ATP7B: variants seen among roughly 807,000 people sequenced by gnomAD.
ATP7B encodes ATPase copper transporting beta.
A neutral mutation model predicts 118.9 loss-of-function variants in ATP7B; 113 were observed. That is an observed-to-expected ratio of 0.95 (90% confidence interval 0.82 to 1.11). ATP7B has a LOEUF of 1.11. ATP7B is among the 50% of genes most tolerant of loss of function. The probability of loss-of-function intolerance (pLI) is 0.00; values close to 1 mark genes in which losing one functional copy is unlikely to be tolerated. For missense variants in ATP7B, 1,867 were observed against 1,871.4 expected, an observed-to-expected ratio of 1.00 and a Z score of 0.04; for synonymous variants, 777 against 727.4, an observed-to-expected ratio of 1.07 and a Z score of -1.10.
At chr13:51,949,627 C>G (rs374177273) in intron 12 of ATP7B, 35 bp downstream of exon 12, 1 of 1,610,676 alleles carries the variant, frequency 6.2e-7, no homozygotes, top group African/African-American at 1.3e-5. Context: ...TTATTTAAAA[C>G]ACAACCACCA....
chr13:52,011,820 G>C (rs957134915), upstream of ATP7B, among the ~76,000 whole-genome samples: 1 of 152,272 alleles, frequency 6.6e-6, no homozygotes, highest in Non-Finnish European at 1.5e-5. Flanking sequence ...TCACGCGTGT[G>C]CGGGAGCGGG....
In ATP7B at chr13:51,939,186, G is replaced by C; in HGVS notation, c.3564C>G (p.Leu1188=). ...TAILVAIDGV[L]CGMIAIADAV... Reference sequence around the variant, plus strand: ...CGTCTGCGATTGCGATCATCCCACAGAGCACACCTGGAGCGAACCAGCCAG... The same window carrying C: ...CGTCTGCGATTGCGATCATCCCACACAGCACACCTGGAGCGAACCAGCCAG... The change falls in exon 17 of 21, where the codon CTC becomes CTG. Residue 1188 remains leucine, a synonymous_variant. Coordinates refer to ENST00000242839, the MANE Select transcript of ATP7B (RefSeq NM_000053.4). The C allele has an allele frequency of 1.2e-6, 2 of 1,613,400 alleles. No homozygotes were observed. Among genetic ancestry groups the C allele is most frequent in the Non-Finnish European group, 1.7e-6 (2 of 1,180,032 alleles).
intron 4 of ATP7B, 115 bp downstream of exon 4, chr13:51,968,329 C>T: frequency 6.7e-7 from 1 of 1,489,898 alleles, no homozygotes; most frequent in Non-Finnish European, 9.2e-7. Flanking sequence ...AAATACCCAA[C>T]AACAACAAAC....
intron 8 of ATP7B, 47 bp from the exon 9 acceptor site, chr13:51,957,654 T>C: frequency 6.4e-7 from 1 of 1,566,176 alleles, no homozygotes; most frequent in African/African-American, 1.4e-5. Flanking sequence ...AAAGCAGACC[T>C]GTCCAAACCC....
At position 51,935,636 on chromosome 13, in the gene ATP7B, C is replaced by T. The variant is rs1956913794; in HGVS notation, c.4081G>A (p.Ala1361Thr). The T allele has an allele frequency of 6.2e-7, 1 of 1,613,860 alleles. No individual in the cohort carries two copies. The highest frequency in any genetic ancestry group is 8.5e-7 in the Non-Finnish European group (1 of 1,179,968). The change falls in exon 20 of 21, where the codon GCC (alanine) becomes ACC (threonine). Residue 1361 changes from alanine to threonine, a missense_variant. Transcript: ENST00000242839. ...GAGAGCACCACAGACACAGAGGAGGCTGCCATGGCCGCTGAGCCCATCCAG... is the reference window on the plus strand; with the variant it reads ...GAGAGCACCACAGACACAGAGGAGGTTGCCATGGCCGCTGAGCCCATCCAG... The part of the protein sequence containing the change: ...QPWMGSAAMA[A>T]SSVSVVLSSL...
Position 51,941,145 on chromosome 13 carries a change from A to G in ATP7B, c.3492T>C (p.Asp1164=), listed in dbSNP as rs2138781016. Reference sequence around the variant, plus strand: ...CGTGGTCTGTCATAGCGTCACTGACATCGCTAGAAATGGTTAAACCGTTGC... The same window carrying G: ...CGTGGTCTGTCATAGCGTCACTGACGTCGCTAGAAATGGTTAAACCGTTGC... ...LRRNGLTISS[D]VSDAMTDHEM... Residue 1164 remains aspartate, a synonymous_variant, in exon 16 of 21, where the codon GAT becomes GAC. Transcript: ENST00000242839. 2 of 1,614,236 alleles carry G rather than the reference A, an allele frequency of 1.2e-6. No homozygotes were observed. Among genetic ancestry groups the G allele is most frequent in the Non-Finnish European group, 1.7e-6 (2 of 1,180,044 alleles).
At chr13:51,983,277 A>G (rs1255138626) in intron 1 of ATP7B, among the ~76,000 whole-genome samples, 2 of 152,198 alleles carry the variant, frequency 1.3e-5, no homozygotes, top group African/African-American at 4.8e-5. Flanking sequence ...TTTTCCCCTC[A>G]TAGTGTAAAC....
chr13:51,952,137 A>C (rs1040752300), intron 9 of ATP7B, among the ~76,000 whole-genome samples: 1 of 152,244 alleles, frequency 6.6e-6, no homozygotes, highest in Non-Finnish European at 1.5e-5. Context: ...TTGTACATAC[A>C]TGTGAACTGT....
At position 51,974,755 on chromosome 13, in the gene ATP7B, C is replaced by CACAGGA; in HGVS notation, c.464_465insTCCTGT (p.Gln155delinsHisProVal). On this transcript the variant is annotated protein_altering_variant, in exon 2 of 21. Transcript: ENST00000242839. ...TGCCTTCAATGGAGCTGACACAGGA[C>CACAGGA]TGGCAGGTCATGCCCTCCACCCGGA... 6.2e-7 allele frequency: 1 copy of CACAGGA among 1,614,222 alleles called. No homozygotes were observed. Among genetic ancestry groups the CACAGGA allele is most frequent in the Non-Finnish European group, 8.5e-7 (1 of 1,180,034 alleles).
In ATP7B at chr13:51,944,207, C is replaced by G; in HGVS notation, c.3145G>C (p.Ala1049Pro). ...AGAACCTTCCTGAGGGGCAGTGTGG[C>G]CACATCCCCCAGCAGGAGCACCCGC... ...VMRVLLLGDV[A>P]TLPLRKVLAV... The change falls in exon 14 of 21, where the codon GCC becomes CCC. Residue 1049 changes from alanine (A) to proline (P), a missense_variant. Physicochemically the swap from Ala to Pro is conservative, Grantham distance 27. Coordinates refer to ENST00000242839, the MANE Select transcript of ATP7B (RefSeq NM_000053.4). The G allele has an allele frequency of 1.2e-6, 2 of 1,614,162 alleles. No individual in the cohort carries two copies. The highest frequency in any genetic ancestry group is 1.7e-6 in the Non-Finnish European group (2 of 1,180,032).
chr13:51,995,400 T>G (rs562120293), intron 1 of ATP7B: 18 of 939,156 alleles, frequency 1.9e-5, no homozygotes, highest in African/African-American at 3.5e-5. Context: ...TCCTCCACAG[T>G]AGACACTGGC....
At chr13:51,975,358 C>T (rs545630970) in intron 1 of ATP7B, 190 bp from the exon 2 acceptor site, 2 of 810,142 alleles carry the variant, frequency 2.5e-6, no homozygotes, top group South Asian at 1.3e-5. Flanking sequence ...CTCTGACATT[C>T]TTCTCTGACA....
chr13:51,944,166 A>G lies in ATP7B; in HGVS notation c.3186T>C (p.Thr1062=). The part of the protein sequence containing the change: ...PLRKVLAVVG[T]AEASSEHPLG... The stretch of plus-strand genomic sequence containing the variant: ...AGGGGTGTTCACTGCTGGCCTCCGC[A>G]GTCCCCACCACAGCCAGAACCTTCC... The change falls in exon 14 of 21, where the codon ACT becomes ACC. Residue 1062 remains threonine, a synonymous_variant. Transcript: ENST00000242839. The G allele has an allele frequency of 6.2e-7, 1 of 1,614,186 alleles. No homozygotes were observed. The highest frequency in any genetic ancestry group is 1.3e-5 in the African/African-American group (1 of 75,044).
In ATP7B at chr13:51,937,259, G is replaced by T; in HGVS notation, c.4021+17C>A. 1 of 1,607,490 alleles carries T rather than the reference G, an allele frequency of 6.2e-7. No individual in the cohort carries two copies. The highest frequency in any genetic ancestry group is 2.2e-5 in the East Asian group (1 of 44,854). On this transcript the variant is annotated intron_variant, in intron 19 of 20. Coordinates refer to ENST00000242839, the MANE Select transcript of ATP7B (RefSeq NM_000053.4). ...TTTCTGGGCGCAGCTGGAGCACAGT[G>T]GGTAAGAGCTGCCTACCTGCTGCAA...
At position 51,975,031 on chromosome 13, in the gene ATP7B, C is replaced by G. The variant is rs1238894954; in HGVS notation, c.189G>C (p.Arg63Ser). 1 of 1,614,250 alleles carries G rather than the reference C, an allele frequency of 6.2e-7. No individual in the cohort carries two copies. The highest frequency in any genetic ancestry group is 8.5e-7 in the Non-Finnish European group (1 of 1,180,042). Reference sequence around the variant, plus strand: ...ATGACTGGCAAGTCATGCCCAAGATCCTGACTGTGCTGGTGGCCACCTGAG... The same window carrying G: ...ATGACTGGCAAGTCATGCCCAAGATGCTGACTGTGCTGGTGGCCACCTGAG... The part of the protein sequence containing the change: ...PSSQVATSTV[R>S]ILGMTCQSCV... Residue 63 changes from arginine (R) to serine (S), a missense_variant, in exon 2 of 21, where the codon AGG (arginine) becomes AGC (serine). Transcript: ENST00000242839.
chr13:51,975,297 C>G, intron 1 of ATP7B, 129 bp from the exon 2 acceptor site: 1 of 1,243,570 alleles, frequency 8.0e-7, no homozygotes, highest in South Asian at 1.2e-5. Flanking sequence ...GGTAGAAGAA[C>G]ATAACATACA....
upstream of ATP7B, chr13:52,011,626 G>A: frequency 1.8e-6 from 1 of 554,264 alleles, no homozygotes. Context: ...TCGGACCCTC[G>A]CCCACTCCCC....
At chr13:51,968,863 C>CT (rs201291586) in intron 3 of ATP7B, among the ~76,000 whole-genome samples, 1,560 of 128,632 alleles carry the variant, frequency 0.012, 14 homozygotes, top group African/African-American at 0.027. Context: ...TTTCTTTTTT[C>CT]TTTTTTTTTT....
At chr13:51,992,257 C>T (rs2140385102) in intron 1 of ATP7B, among the ~76,000 whole-genome samples, 1 of 152,326 alleles carries the variant, frequency 6.6e-6, no homozygotes, top group African/African-American at 2.4e-5. Flanking sequence ...AGCTAACTTT[C>T]CATTCACTAT....
Sources: allele counts gnomAD v4.1 joint callset (sites outside exome capture counted in the v4.1 genomes callset), GRCh38; gene constraint gnomAD v4.1.1; transcripts MANE v1.5; gene names NCBI Gene and HGNC (gene_info 2026-07-23, HGNC 2026-07-21).